PTPN2: variants seen among roughly 807,000 people sequenced by gnomAD.
PTPN2 encodes tyrosine-protein phosphatase non-receptor type 2.
Under a neutral mutation model 57.3 loss-of-function variants are expected in PTPN2, and 19 were observed. That is an observed-to-expected ratio of 0.33 (90% CI 0.23 to 0.49). PTPN2 has a LOEUF of 0.49. Ranked by LOEUF, PTPN2 falls within the 20% of genes least tolerant of loss-of-function variation. PTPN2 has a pLI of 0.99. For synonymous variants in PTPN2, 153 were observed against 164.9 expected (o/e 0.93, Z 0.55); for missense variants, 358 against 501.1 (o/e 0.71, Z 2.73).
intron 5 of PTPN2, among the ~76,000 whole-genome samples, chr18:12,820,147 C>A (rs2042222530): frequency 6.6e-6 from 1 of 152,150 alleles, no homozygotes; most frequent in South Asian, 2.1e-4. Context: ...ACTTTTTTCA[C>A]ATTCAGGTCA....
intron 7 of PTPN2, among the ~76,000 whole-genome samples, chr18:12,810,331 T>A (rs1280569679): frequency 2.6e-5 from 4 of 151,402 alleles, no homozygotes; most frequent in African/African-American, 9.7e-5. Flanking sequence ...GCCACTGCAA[T>A]CCAGCCTGGG....
At chr18:12,837,149 G>A (rs1050558166) in intron 2 of PTPN2, among the ~76,000 whole-genome samples, 1 of 152,044 alleles carries the variant, frequency 6.6e-6, no homozygotes, top group Non-Finnish European at 1.5e-5. Context: ...TTGAAAAATC[G>A]ACCAGGAGTA....
chr18:12,809,013 A>G (rs1258319137), intron 7 of PTPN2, among the ~76,000 whole-genome samples: 1 of 152,008 alleles, frequency 6.6e-6, no homozygotes, highest in Non-Finnish European at 1.5e-5. Context: ...TAACGGTGAG[A>G]TCTCCAAGCT....
At chr18:12,869,879 A>G (rs1255459048) in intron 1 of PTPN2, among the ~76,000 whole-genome samples, 5 of 152,160 alleles carry the variant, frequency 3.3e-5, no homozygotes, top group Non-Finnish European at 5.9e-5. Context: ...TACTCTCTAC[A>G]AAGATGCTCA....
intron 7 of PTPN2, among the ~76,000 whole-genome samples, chr18:12,807,290 G>A (rs1216756819): frequency 6.6e-6 from 1 of 151,762 alleles, no homozygotes; most frequent in Non-Finnish European, 1.5e-5. Flanking sequence ...ATAAATGCTG[G>A]CATGAATGTG....
intron 7 of PTPN2, among the ~76,000 whole-genome samples, chr18:12,804,126 G>A (rs1786494640): frequency 6.6e-6 from 1 of 151,698 alleles, no homozygotes; most frequent in South Asian, 2.1e-4. Flanking sequence ...ATGGTGAAAT[G>A]CCATCTCTAC....
chr18:12,805,193 A>G (rs1432472351), intron 7 of PTPN2, among the ~76,000 whole-genome samples: 1 of 152,168 alleles, frequency 6.6e-6, no homozygotes, highest in African/African-American at 2.4e-5. Flanking sequence ...GTGGTGGTTC[A>G]TGCCTGTAAT....
intron 3 of PTPN2, among the ~76,000 whole-genome samples, chr18:12,832,387 G>A (rs984569832): frequency 1.3e-5 from 2 of 152,118 alleles, no homozygotes; most frequent in Non-Finnish European, 2.9e-5. Context: ...AAAGTGCTGG[G>A]ATTACAGGTA....
rs1331450260 is a variant in PTPN2 at position 12,817,164 on chromosome 18, G to T, written c.697C>A (p.Leu233Ile). The T allele has an allele frequency of 6.2e-7, 1 of 1,613,380 alleles. No homozygotes were observed. The highest frequency in any genetic ancestry group is 1.3e-5 in the African/African-American group (1 of 74,986). The stretch of plus-strand genomic sequence containing the variant: ...TCGTAAGAAGCACTTACCAAAACAA[G>T]ACAAGTGTCTACCAGAGAGAAGGTG... ...SGTFSLVDTCLVLMEKGDDIN... is the reference protein window; with the variant it reads ...SGTFSLVDTCIVLMEKGDDIN... The change falls in exon 6 of 9, where the codon CTT (leucine) becomes ATT (isoleucine). Residue 233 changes from leucine to isoleucine, a missense_variant. Around this residue, in one of 4 missense-constraint regions of PTPN2, gnomAD observed 193 missense variants for 315.4 expected, o/e 0.61. Transcript: ENST00000309660.
intron 2 of PTPN2, among the ~76,000 whole-genome samples, chr18:12,849,610 T>C (rs1467937144): frequency 1.3e-5 from 2 of 152,178 alleles, no homozygotes. Flanking sequence ...TTAGCTACCC[T>C]TACATTCCTG....
intron 8 of PTPN2, among the ~76,000 whole-genome samples, chr18:12,800,475 G>C (rs1305911482): frequency 1.3e-5 from 2 of 151,970 alleles, no homozygotes. Flanking sequence ...ATGAAAAAAG[G>C]AACCAAAAAA....
At chr18:12,872,816 G>A (rs190876326) in intron 1 of PTPN2, among the ~76,000 whole-genome samples, 7 of 152,324 alleles carry the variant, frequency 4.6e-5, no homozygotes, top group African/African-American at 1.4e-4. Context: ...GTACTGTACC[G>A]TACATAGAAC....
chr18:12,865,388 T>C (rs2043955644), intron 1 of PTPN2, among the ~76,000 whole-genome samples: 1 of 150,120 alleles, frequency 6.7e-6, no homozygotes, highest in Non-Finnish European at 1.5e-5. Context: ...TAAGCCGTGA[T>C]CACGCCACTG....
intron 9 of PTPN2, chr18:12,786,365 A>C (rs1327308521): frequency 6.6e-6 from 1 of 152,600 alleles, no homozygotes; most frequent in Non-Finnish European, 1.5e-5. Flanking sequence ...GGTTGTTAGC[A>C]GATGCTTTTT....
chr18:12,856,314 G>A (rs948915046), intron 2 of PTPN2, among the ~76,000 whole-genome samples: 1 of 152,194 alleles, frequency 6.6e-6, no homozygotes, highest in African/African-American at 2.4e-5. Context: ...TATTGGCTCA[G>A]ACTAGAAAAT....
At chr18:12,840,786 T>C in intron 2 of PTPN2, 6 of 1,598,462 alleles carry the variant, frequency 3.8e-6, no homozygotes, top group Non-Finnish European at 3.4e-6. Context: ...TTTCCATACA[T>C]CCTAAATTCT....
chr18:12,814,346 C>G lies in PTPN2; in HGVS notation c.715G>C (p.Gly239Arg), dbSNP rs768294026. ...ACTTGTTTTATGTTAATATCATCTC[C>G]TTTTTCCATCTGCAAGAAAGGCAAA... ...VDTCLVLMEKGDDINIKQVLL... is the reference protein window; with the variant it reads ...VDTCLVLMEKRDDINIKQVLL... Residue 239 changes from glycine (G) to arginine (R), a missense_variant, in exon 7 of 9, where the codon GGA (glycine) becomes CGA (arginine). By Grantham distance (125) the Gly-to-Arg change is moderately radical. Transcript: ENST00000309660. The G allele has an allele frequency of 2.5e-6, 4 of 1,582,176 alleles. No individual in the cohort carries two copies. In the Admixed American group the frequency reaches 5.8e-5, roughly 23 times the overall value.
intron 1 of PTPN2, among the ~76,000 whole-genome samples, chr18:12,876,969 TC>T (rs2044511946): frequency 6.6e-6 from 1 of 152,176 alleles, no homozygotes; most frequent in South Asian, 2.1e-4. Context: ...CTACAGGTAG[TC>T]ACATGGGTAA....
intron 1 of PTPN2, among the ~76,000 whole-genome samples, chr18:12,882,494 TAA>T (rs1277568787): frequency 1.3e-5 from 2 of 152,232 alleles, no homozygotes; most frequent in African/African-American, 4.8e-5. Context: ...TAAGCTGAAT[TAA>T]GTTATATTCA....
Sources: gnomAD v4.1 joint callset for allele counts (sites outside exome capture counted in the v4.1 genomes callset) on GRCh38, gnomAD v4.1.1 for gene constraint, gnomAD v4.1.1 regional missense constraint, MANE v1.5 for transcripts, NCBI Gene and HGNC (gene_info 2026-07-23, HGNC 2026-07-21) for gene names.